Variants in CPEB2 observed in about 807,000 individuals in gnomAD.
CPEB2 encodes the protein cytoplasmic polyadenylation element binding protein 2, also known as cytoplasmic polyadenylation element-binding protein 2.
A neutral mutation model predicts 93.6 loss-of-function variants in CPEB2; 56 were observed. That is an observed-to-expected ratio of 0.60 (90% CI 0.48 to 0.75). CPEB2 has a LOEUF of 0.75. Among genes scored for constraint, CPEB2 ranks in the 30% least tolerant of loss-of-function variants. CPEB2 has a pLI of 0.00. For synonymous variants in CPEB2, 764 were observed against 586.3 expected, an observed-to-expected ratio of 1.30 and a Z score of -4.38; for missense variants, 1,579 against 1,395.1, an observed-to-expected ratio of 1.13 and a Z score of -2.10.
At chr4:15,041,774 A>G (rs17384202) in intron 6 of CPEB2, among the ~76,000 whole-genome samples, 7,957 of 152,190 alleles carry the variant, frequency 0.052, 234 homozygotes, top group Non-Finnish European at 0.07. Flanking sequence ...AAGCAAAACC[A>G]TTTGCCACGA....
chr4:15,029,873 T>C (rs961827784), intron 4 of CPEB2, among the ~76,000 whole-genome samples: 2 of 152,120 alleles, frequency 1.3e-5, no homozygotes, highest in African/African-American at 4.8e-5. Context: ...AAAAGGAAGG[T>C]CTTCCCTTTT....
At chr4:15,046,921 T>G (rs879825093) in intron 6 of CPEB2, among the ~76,000 whole-genome samples, 2 of 152,252 alleles carry the variant, frequency 1.3e-5, no homozygotes, top group Non-Finnish European at 2.9e-5. Context: ...TTTCGTTGTT[T>G]TAACTTTTGC....
intron 11 of CPEB2, chr4:15,063,841 T>C (rs1025393271): frequency 1.3e-5 from 2 of 152,090 alleles, no homozygotes; most frequent in African/African-American, 4.8e-5. Context: ...GGCATTGAAA[T>C]ACCTGAGGGA....
intron 4 of CPEB2, among the ~76,000 whole-genome samples, chr4:15,021,890 C>T (rs4403046): frequency 0.87 from 131,664 of 152,016 alleles, 57,980 homozygotes; most frequent in Non-Finnish European, 0.95. Flanking sequence ...GCATATAAGC[C>T]CTGAGAAAAT....
At chr4:15,053,705 T>C (rs1728453356) in intron 7 of CPEB2, among the ~76,000 whole-genome samples, 1 of 152,166 alleles carries the variant, frequency 6.6e-6, no homozygotes, top group Non-Finnish European at 1.5e-5. Context: ...TTTTTCAACA[T>C]TGTAGTTATT....
intron 5 of CPEB2, among the ~76,000 whole-genome samples, chr4:15,040,240 T>C (rs1265851374): frequency 6.6e-6 from 1 of 152,180 alleles, no homozygotes; most frequent in African/African-American, 2.4e-5. Flanking sequence ...CTTGTTAATT[T>C]CAGAGTTTTA....
At chr4:15,063,095 GTAGA>G (rs1729353723) in intron 11 of CPEB2, among the ~76,000 whole-genome samples, 1 of 151,990 alleles carries the variant, frequency 6.6e-6, no homozygotes, top group Non-Finnish European at 1.5e-5. Flanking sequence ...ATCTGAATTA[GTAGA>G]TAGAAGATAC....
Position 15,003,157 on chromosome 4 carries a change from T to A in CPEB2, c.484T>A (p.Ser162Thr), listed in dbSNP as rs1317815230. 1.3e-6 allele frequency: 2 copies of A among 1,531,524 alleles called. No individual in the cohort carries two copies. Among genetic ancestry groups the A allele is most frequent in the African/African-American group, 1.4e-5 (1 of 71,776 alleles). The allele number at this position is 1,531,524 out of a possible 1,614,324, so 94.9% of individuals were successfully genotyped here. A position where few individuals can be genotyped will look rare whatever the true frequency, so the allele number is the denominator to read the frequency against. The change falls in exon 1 of 12, where the codon TCC (serine) becomes ACC (threonine). Residue 162 changes from serine (S) to threonine (T), a missense_variant. Physicochemically the swap from Ser to Thr is moderately conservative, Grantham distance 58. This residue lies in a region of CPEB2 where 1,411 missense variants were observed against 1,056.0 expected (regional missense o/e 1.34). Coordinates refer to ENST00000538197, the MANE Select transcript of CPEB2 (RefSeq NM_001177382.2). ...CTCCTGCTGCTGCTGCCGCACCTCCTCCCCGCAGGACTTCAGTAAGCGGCA... is the reference window on the plus strand; with the variant it reads ...CTCCTGCTGCTGCTGCCGCACCTCCACCCCGCAGGACTTCAGTAAGCGGCA... ...ASSCCCCRTS[S>T]PQDFSKRQQQ...
rs765150869 is a variant in CPEB2 at position 15,066,310 on chromosome 4, G to A, written c.3035G>A (p.Arg1012His). The A allele has an allele frequency of 2.5e-6, 4 of 1,613,228 alleles. No individual in the cohort carries two copies. Among genetic ancestry groups the A allele is most frequent in the African/African-American group, 1.3e-5 (1 of 74,800 alleles). ...GCAAATATCCACTCTCGTGCTGGAC[G>A]TGAGTTCCATAAGCCATTGGTAAAG... ...CWANIHSRAGREFHKPLVKEG... is the reference protein window; with the variant it reads ...CWANIHSRAGHEFHKPLVKEG... The change falls in exon 12 of 12, where the codon CGT becomes CAT. Residue 1012 changes from arginine (R) to histidine (H), a missense_variant. Arg to His is a conservative substitution (Grantham distance 29). This residue lies in a region of CPEB2 where 168 missense variants were observed against 339.1 expected (regional missense o/e 0.50). Transcript: ENST00000538197.
rs756768908 is a variant in CPEB2 at position 15,008,442 on chromosome 4, G to A, written c.2034+15G>A. On this transcript the variant is annotated intron_variant, in intron 3 of 11. Transcript: ENST00000538197. ...GAATAGACCAGGTAGGCTGCACAGT[G>A]TATACTTTTTAGGATTTCGGTTAGG... 5.7e-6 allele frequency: 9 copies of A among 1,579,960 alleles called. No homozygotes were observed. Among genetic ancestry groups the A allele is most frequent in the Non-Finnish European group, 7.8e-6 (9 of 1,151,320 alleles).
intron 3 of CPEB2, among the ~76,000 whole-genome samples, chr4:15,013,760 GCT>G (rs568695564): frequency 2.2e-4 from 34 of 152,136 alleles, no homozygotes; most frequent in African/African-American, 7.7e-4. Flanking sequence ...TATGTTTGTT[GCT>G]TTAAAAATCA....
intron 7 of CPEB2, 151 bp from the exon 8 acceptor site, chr4:15,053,977 G>A: frequency 1.9e-6 from 1 of 525,462 alleles, no homozygotes. Flanking sequence ...ATTTTAATAA[G>A]TATATTAGAC....
intron 10 of CPEB2, among the ~76,000 whole-genome samples, chr4:15,061,349 T>G (rs915891165): frequency 6.6e-6 from 1 of 152,082 alleles, no homozygotes; most frequent in Non-Finnish European, 1.5e-5. Context: ...CAAGGAAGAC[T>G]CAGAAGAAAT....
chr4:15,068,000 T>A lies in CPEB2; in HGVS notation c.*1620T>A, dbSNP rs1729823777. On this transcript the variant is annotated 3_prime_UTR_variant, in exon 12 of 12. Transcript: ENST00000538197. ...AGAATATCATTAGTGATATTTTTTC[T>A]CTTTAGAGCATTTTTAATGCAACTA... is the stretch of plus-strand genomic sequence containing the variant. 6.6e-6 allele frequency: 1 copy of A among 152,420 alleles called. No homozygotes were observed. The highest frequency in any genetic ancestry group is 2.4e-5 in the African/African-American group (1 of 41,434). 9.4% of individuals were successfully genotyped at this position (152,420 alleles called of 1,614,324 possible). A position where few individuals can be genotyped will look rare whatever the true frequency, so the allele number is the denominator to read the frequency against.
intron 8 of CPEB2, among the ~76,000 whole-genome samples, chr4:15,055,630 GA>G (rs1161110522): frequency 6.6e-6 from 1 of 152,126 alleles, no homozygotes; most frequent in Admixed American, 6.5e-5. Context: ...AGCAGTCTTT[GA>G]AAACTCATTG....
chr4:15,059,265 A>G lies in CPEB2; in HGVS notation c.2659A>G (p.Ile887Val), dbSNP rs756010087. The change falls in exon 10 of 12, where the codon ATT becomes GTT. Residue 887 changes from isoleucine to valine, a missense_variant. Ile to Val is a conservative substitution (Grantham distance 29). Coordinates refer to ENST00000538197, the MANE Select transcript of CPEB2 (RefSeq NM_001177382.2). ...GSQPLDPRKT[I>V]FVGGVPRPLR... ...TCAGCCTTTGGATCCCCGAAAAACA[A>G]TTTTTGTTGGAGGTGTTCCTAGGCC... 6.2e-7 allele frequency: 1 copy of G among 1,613,356 alleles called. No homozygotes were observed. Among genetic ancestry groups the G allele is most frequent in the South Asian group, 1.1e-5 (1 of 91,062 alleles).
chr4:15,038,150 C>G (rs1455310584), intron 5 of CPEB2, among the ~76,000 whole-genome samples: 3 of 152,138 alleles, frequency 2.0e-5, no homozygotes, highest in African/African-American at 7.2e-5. Flanking sequence ...TAGCTCTTTA[C>G]AGGATTCTAA....
At chr4:15,004,361 G>C in intron 1 of CPEB2, 26 bp downstream of exon 1, 1 of 1,411,046 alleles carries the variant, frequency 7.1e-7, no homozygotes, top group Non-Finnish European at 9.2e-7. Context: ...GCCTGGCCGC[G>C]CCGCGGGACC....
chr4:15,015,338 T>C lies in CPEB2; in HGVS notation c.2035-1850T>C, dbSNP rs191755365. ...TGTTCTAGAGAGCAGCTGTTATTGATGCATGTGTTTTACCTCAGGGGCCTT... is the reference window on the plus strand; with the variant it reads ...TGTTCTAGAGAGCAGCTGTTATTGACGCATGTGTTTTACCTCAGGGGCCTT... On this transcript the variant is annotated intron_variant, in intron 3 of 11. Coordinates refer to ENST00000538197, the MANE Select transcript of CPEB2 (RefSeq NM_001177382.2). Among the ~76,000 whole-genome samples, 3 of 152,196 alleles carry C rather than the reference T, an allele frequency of 2.0e-5. No individual in the cohort carries two copies. The East Asian group carries it at 5.8e-4, about 29-fold the overall frequency.
Sources: allele counts gnomAD v4.1 joint callset (sites outside exome capture counted in the v4.1 genomes callset), GRCh38; gene constraint gnomAD v4.1.1; regional missense constraint gnomAD v4.1.1; transcripts MANE v1.5; gene names NCBI Gene and HGNC (gene_info 2026-07-23, HGNC 2026-07-21).